CWC27: variants seen among roughly 807,000 people sequenced by gnomAD.
CWC27 encodes CWC27 spliceosome associated cyclophilin.
CWC27 carries 47 observed loss-of-function variants against 63.6 expected under a neutral mutation model. The ratio of observed to expected loss-of-function variants is 0.74; its 90% CI spans 0.58 to 0.94. CWC27 has a LOEUF of 0.94. Ranked by LOEUF, CWC27 falls within the 40% of genes least tolerant of loss-of-function variation. The pLI is 0.00. For synonymous variants in CWC27, 175 were observed against 179.8 expected (o/e 0.97, Z 0.22); for missense variants, 495 against 554.3 (o/e 0.89, Z 1.07).
At chr5:64,892,243 T>C (rs563836864) in intron 11 of CWC27, among the ~76,000 whole-genome samples, 5 of 152,344 alleles carry the variant, frequency 3.3e-5, no homozygotes, top group African/African-American at 1.2e-4. Context: ...TTAGCTATAT[T>C]TTTAGTAACT....
intron 10 of CWC27, among the ~76,000 whole-genome samples, chr5:64,829,641 CT>C (rs564183984): frequency 0.016 from 2,003 of 126,224 alleles, 25 homozygotes; most frequent in African/African-American, 0.036. Context: ...CTTTTATTCA[CT>C]TTTTTTTTTT....
chr5:64,922,020 A>T (rs761030230), intron 11 of CWC27, among the ~76,000 whole-genome samples: 1 of 152,168 alleles, frequency 6.6e-6, no homozygotes, highest in Non-Finnish European at 1.5e-5. Flanking sequence ...TTCTGCTGAA[A>T]GGTGTTAGCC....
At chr5:64,860,327 A>G (rs1194621759) in intron 10 of CWC27, among the ~76,000 whole-genome samples, 1 of 152,216 alleles carries the variant, frequency 6.6e-6, no homozygotes, top group East Asian at 1.9e-4. Context: ...AAAAATTATT[A>G]GCATTTATAG....
At chr5:64,903,570 A>C (rs894668556) in intron 11 of CWC27, among the ~76,000 whole-genome samples, 1 of 152,072 alleles carries the variant, frequency 6.6e-6, no homozygotes, top group Non-Finnish European at 1.5e-5. Context: ...CAACTACCTA[A>C]TGCATACGGG....
chr5:64,931,555 T>C (rs149871415), intron 11 of CWC27, among the ~76,000 whole-genome samples: 1 of 152,052 alleles, frequency 6.6e-6, no homozygotes, highest in East Asian at 1.9e-4. Context: ...ACCCAACTAA[T>C]CTTAATTTTT....
intron 10 of CWC27, among the ~76,000 whole-genome samples, chr5:64,866,059 A>T (rs1746525032): frequency 6.6e-6 from 1 of 152,064 alleles, no homozygotes; most frequent in African/African-American, 2.4e-5. Flanking sequence ...GAGATTTTAC[A>T]AGTCACTGGA....
At chr5:64,851,737 A>G (rs989130531) in intron 10 of CWC27, among the ~76,000 whole-genome samples, 2 of 152,292 alleles carry the variant, frequency 1.3e-5, no homozygotes, top group African/African-American at 4.8e-5. Context: ...AAACTTAGCT[A>G]TATGATTTAA....
At chr5:64,997,085 T>C (rs985470038) in intron 13 of CWC27, among the ~76,000 whole-genome samples, 6 of 152,150 alleles carry the variant, frequency 3.9e-5, no homozygotes, top group Non-Finnish European at 1.5e-5. Context: ...CTCTGTATTA[T>C]TTGAAGAATT....
intron 10 of CWC27, among the ~76,000 whole-genome samples, chr5:64,864,739 T>C (rs1434501082): frequency 1.3e-5 from 2 of 152,142 alleles, no homozygotes; most frequent in Non-Finnish European, 1.5e-5. Context: ...ATTTCGTCAC[T>C]AAGAAATACA....
chr5:64,978,735 T>C (rs1749277969), intron 13 of CWC27, among the ~76,000 whole-genome samples: 1 of 152,092 alleles, frequency 6.6e-6, no homozygotes, highest in South Asian at 2.1e-4. Flanking sequence ...TGAATCCATA[T>C]GCATTTTTGA....
At chr5:65,018,082 C>T (rs1288134425) in intron 13 of CWC27, 77 bp from the exon 14 acceptor site, 9 of 1,255,140 alleles carry the variant, frequency 7.2e-6, no homozygotes, top group Non-Finnish European at 7.6e-6. Flanking sequence ...TTCATTATGT[C>T]GATGATAGTA....
intron 10 of CWC27, among the ~76,000 whole-genome samples, chr5:64,842,603 A>AT (rs757016240): frequency 0.029 from 3,386 of 115,930 alleles, 80 homozygotes; most frequent in Middle Eastern, 0.058. Context: ...CTCCCAGCCT[A>AT]TTTTTTTTTT....
chr5:64,937,371 G>T lies in CWC27; in HGVS notation c.1043-34332G>T, dbSNP rs374379493. 2.0e-4 allele frequency among the ~76,000 whole-genome samples: 30 copies of T among 152,250 alleles called. No homozygotes were observed. The South Asian group carries it at 5.6e-3, about 28-fold the overall frequency. On this transcript the variant is annotated intron_variant, in intron 11 of 13. Coordinates refer to ENST00000381070, the MANE Select transcript of CWC27 (RefSeq NM_005869.4). Reference sequence around the variant, plus strand: ...TGTTATTTACCCAGTAGTCATTCAGGAGCAGATTGTTCAGTTTCCATGTAG... The same window carrying T: ...TGTTATTTACCCAGTAGTCATTCAGTAGCAGATTGTTCAGTTTCCATGTAG...
chr5:64,918,697 G>T (rs985277124), intron 11 of CWC27, among the ~76,000 whole-genome samples: 1 of 152,116 alleles, frequency 6.6e-6, no homozygotes. Flanking sequence ...GTTTTTCTCA[G>T]TTTTAACAAA....
At chr5:64,866,204 G>T (rs1197311461) in intron 10 of CWC27, among the ~76,000 whole-genome samples, 1 of 152,004 alleles carries the variant, frequency 6.6e-6, no homozygotes, top group Admixed American at 6.6e-5. Flanking sequence ...ATACTTTGCT[G>T]ATATGATTTG....
chr5:64,838,635 G>T (rs73101357), intron 10 of CWC27, among the ~76,000 whole-genome samples: 1,800 of 152,288 alleles, frequency 0.012, 29 homozygotes, highest in African/African-American at 0.041. Flanking sequence ...TTCTCATCCA[G>T]AGGGAGAAAG....
At chr5:64,942,164 G>A (rs1748495454) in intron 11 of CWC27, among the ~76,000 whole-genome samples, 1 of 151,962 alleles carries the variant, frequency 6.6e-6, no homozygotes, top group Non-Finnish European at 1.5e-5. Flanking sequence ...AATGGTTCAT[G>A]CCTATAATCC....
chr5:64,859,686 A>C (rs1387807591), intron 10 of CWC27, among the ~76,000 whole-genome samples: 12 of 152,168 alleles, frequency 7.9e-5, no homozygotes. Flanking sequence ...CATTTATATC[A>C]AGGTTTGTCT....
rs1314293544 is a variant in CWC27, at chr5:64,999,369, AGC to A, written c.1257-18789_1257-18788del. On this transcript the variant is annotated intron_variant, in intron 13 of 13. Coordinates refer to ENST00000381070, the MANE Select transcript of CWC27 (RefSeq NM_005869.4). Reference sequence around the variant, plus strand: ...ATGTTGGGAACTTTTGAACTCTTCTAGCTATTTTAAAATATACAATAAATTTT... The same window carrying A: ...ATGTTGGGAACTTTTGAACTCTTCTATATTTTAAAATATACAATAAATTTT... Among the ~76,000 whole-genome samples, 13 of 152,188 alleles carry A rather than the reference AGC, an allele frequency of 8.5e-5. 1 individual carries two copies. The highest frequency in any genetic ancestry group is 6.8e-3 in the Middle Eastern group (2 of 294).
Sources: allele counts gnomAD v4.1 joint callset (sites outside exome capture counted in the v4.1 genomes callset), GRCh38; gene constraint gnomAD v4.1.1; transcripts MANE v1.5; gene names NCBI Gene and HGNC (gene_info 2026-07-23, HGNC 2026-07-21).